The following HDAC9 variants were observed in gnomAD, a reference collection of about 807,000 sequenced individuals.
The protein encoded by HDAC9 is histone deacetylase 9.
HDAC9 carries 41 observed loss-of-function variants against 139.4 expected under a neutral mutation model. That is an observed-to-expected ratio of 0.29 (90% confidence interval 0.23 to 0.38). HDAC9 has a LOEUF of 0.38. HDAC9 is among the 10% of genes least tolerant of loss of function. The pLI is 1.00. For missense variants in HDAC9, 1,147 were observed against 1,297.0 expected, an observed-to-expected ratio of 0.88 and a Z score of 1.78; for synonymous variants, 517 against 476.2, an observed-to-expected ratio of 1.09 and a Z score of -1.12.
chr7:18,623,148 A>G (rs79818097), intron 6 of HDAC9, among the ~76,000 whole-genome samples: 5 of 27,072 alleles, frequency 1.8e-4, no homozygotes, highest in African/African-American at 4.5e-4. Context: ...GGTCTCTGGA[A>G]AAAAAAAAAA....
intron 2 of HDAC9, among the ~76,000 whole-genome samples, chr7:18,234,373 G>A (rs529982504): frequency 1.3e-5 from 2 of 152,204 alleles, no homozygotes; most frequent in Admixed American, 6.5e-5. Flanking sequence ...ATCTAGAGAA[G>A]GGGTAGGTAG....
In HDAC9 at chr7:18,836,007, T is replaced by A; in HGVS notation, c.2684+10T>A. 4.0e-6 allele frequency: 6 copies of A among 1,487,708 alleles called. No individual in the cohort carries two copies. The highest frequency in any genetic ancestry group is 5.5e-6 in the Non-Finnish European group (6 of 1,096,420). 92.2% of individuals were successfully genotyped at this position (1,487,708 alleles called of 1,614,324 possible). A position where few individuals can be genotyped will look rare whatever the true frequency, so the allele number is the denominator to read the frequency against. ...ACCTTGAAGCATTCAGGTTGGTACTTCTTTCTCTCTGAAAGTGGCAAATTG... is the reference window on the plus strand; with the variant it reads ...ACCTTGAAGCATTCAGGTTGGTACTACTTTCTCTCTGAAAGTGGCAAATTG... On this transcript the variant is annotated intron_variant, in intron 21 of 25. Transcript: ENST00000686413.
intron 13 of HDAC9, among the ~76,000 whole-genome samples, chr7:18,737,417 G>C (rs977271980): frequency 2.0e-5 from 3 of 152,196 alleles, no homozygotes; most frequent in African/African-American, 7.2e-5. Context: ...GTGTCCCAGA[G>C]ATTCTGGTAA....
At chr7:18,991,571 A>G (rs1292695049) in intron 25 of HDAC9, among the ~76,000 whole-genome samples, 8 of 151,844 alleles carry the variant, frequency 5.3e-5, no homozygotes, top group African/African-American at 1.2e-4. Context: ...CAGGAGGCGG[A>G]GCTTGCAGTG....
At chr7:18,486,491 G>A (rs1280716783) in intron 1 of HDAC9, among the ~76,000 whole-genome samples, 1 of 152,044 alleles carries the variant, frequency 6.6e-6, no homozygotes, top group East Asian at 1.9e-4. Context: ...TTAGAGCTTT[G>A]ATGTTCTCAG....
At chr7:18,353,826 T>C (rs1282089632) in intron 1 of HDAC9, among the ~76,000 whole-genome samples, 1 of 152,190 alleles carries the variant, frequency 6.6e-6, no homozygotes, top group Non-Finnish European at 1.5e-5. Context: ...AGCATTGGAT[T>C]ACCACCACCT....
At chr7:18,510,620 G>A (rs1391602145) in intron 2 of HDAC9, among the ~76,000 whole-genome samples, 6 of 152,066 alleles carry the variant, frequency 3.9e-5, no homozygotes. Flanking sequence ...TATTTAATTA[G>A]CTATATTATT....
Position 18,573,970 on chromosome 7 carries a change from C to G in HDAC9, c.23-11311C>G, listed in dbSNP as rs534862155. On this transcript the variant is annotated intron_variant, in intron 2 of 25. Transcript: ENST00000686413. ...GTTTCAGCCCTGTTCGTGTTAACAG[C>G]TCTTTTAGTCCCACCATTTGATGTG... 1.7e-3 allele frequency among the ~76,000 whole-genome samples: 262 copies of G among 152,350 alleles called. 1 individual carries two copies. Among genetic ancestry groups the G allele is most frequent in the Non-Finnish European group, 2.6e-3 (176 of 68,040 alleles).
At chr7:18,556,608 C>A (rs1042762125) in intron 2 of HDAC9, among the ~76,000 whole-genome samples, 2 of 151,832 alleles carry the variant, frequency 1.3e-5, no homozygotes, top group African/African-American at 2.4e-5. Context: ...TGTCTCAATC[C>A]AGTGTTGAAG....
chr7:18,310,704 G>A (rs1376916668), intron 1 of HDAC9, among the ~76,000 whole-genome samples: 1 of 151,908 alleles, frequency 6.6e-6, no homozygotes, highest in Non-Finnish European at 1.5e-5. Context: ...TATACCTGCA[G>A]GTGTGACATA....
intron 1 of HDAC9, among the ~76,000 whole-genome samples, chr7:18,294,127 A>G (rs1186068926): frequency 6.6e-6 from 1 of 152,152 alleles, no homozygotes; most frequent in Non-Finnish European, 1.5e-5. Context: ...GTGCCCTCAG[A>G]AAATTCACAG....
chr7:18,615,031 A>G (rs927219708), intron 6 of HDAC9, among the ~76,000 whole-genome samples: 1 of 152,164 alleles, frequency 6.6e-6, no homozygotes, highest in Non-Finnish European at 1.5e-5. Flanking sequence ...ATTCTCTTCT[A>G]AAGAAAAGGA....
chr7:18,461,394 A>G (rs1793835381), intron 1 of HDAC9, among the ~76,000 whole-genome samples: 1 of 152,196 alleles, frequency 6.6e-6, no homozygotes, highest in South Asian at 2.1e-4. Flanking sequence ...GTAAAATTGA[A>G]TGATACTAAA....
intron 17 of HDAC9, among the ~76,000 whole-genome samples, chr7:18,801,614 A>G (rs1793294042): frequency 6.6e-6 from 1 of 152,048 alleles, no homozygotes; most frequent in African/African-American, 2.4e-5. Context: ...GACTGTCTCT[A>G]TATTTCTCTA....
intron 25 of HDAC9, among the ~76,000 whole-genome samples, chr7:18,990,336 G>T (rs1785782479): frequency 6.6e-6 from 1 of 151,144 alleles, no homozygotes; most frequent in Non-Finnish European, 1.5e-5. Context: ...CCCTGCTGAG[G>T]GGTGCCTCCC....
intron 2 of HDAC9, among the ~76,000 whole-genome samples, chr7:18,265,365 A>G (rs1005042547): frequency 1.4e-4 from 21 of 152,180 alleles, no homozygotes; most frequent in Non-Finnish European, 3.1e-4. Flanking sequence ...CATGCTGTTT[A>G]CCTTCACGGA....
intron 11 of HDAC9, among the ~76,000 whole-genome samples, chr7:18,650,025 A>G (rs566362447): frequency 7.9e-5 from 12 of 152,272 alleles, no homozygotes; most frequent in African/African-American, 2.6e-4. Context: ...TTTCATATCA[A>G]ATTATTTTAT....
At chr7:18,887,655 G>A (rs1800285482) in intron 22 of HDAC9, among the ~76,000 whole-genome samples, 1 of 152,160 alleles carries the variant, frequency 6.6e-6, no homozygotes, top group Admixed American at 6.5e-5. Context: ...GCTGGGGTCA[G>A]AATTCATATG....
At chr7:18,819,882 T>A (rs1188608186) in intron 17 of HDAC9, among the ~76,000 whole-genome samples, 2 of 152,204 alleles carry the variant, frequency 1.3e-5, no homozygotes, top group African/African-American at 4.8e-5. Flanking sequence ...AAAGGTACTA[T>A]AGGATATATT....
Sources: gnomAD v4.1 joint callset for allele counts (sites outside exome capture counted in the v4.1 genomes callset) on GRCh38, gnomAD v4.1.1 for gene constraint, MANE v1.5 for transcripts, NCBI Gene and HGNC (gene_info 2026-07-23, HGNC 2026-07-21) for gene names.